The following XKR9 variants were observed in gnomAD, a reference collection of about 807,000 sequenced individuals.
XKR9 encodes the protein XK related 9.
A neutral mutation model predicts 32.0 loss-of-function variants in XKR9; 32 were observed. The observed-to-expected ratio is 1.00, with a 90% CI of 0.76 to 1.34. The LOEUF is 1.34. Ranked by LOEUF, XKR9 falls within the 40% of genes most tolerant of loss-of-function variation. The pLI is 0.00. For missense variants in XKR9, 546 were observed against 429.7 expected (o/e 1.27, Z -2.39); for synonymous variants, 168 against 143.4 (o/e 1.17, Z -1.22).
intron 2 of XKR9, among the ~76,000 whole-genome samples, chr8:70,676,356 A>G (rs1019090391): frequency 6.6e-6 from 1 of 152,222 alleles, no homozygotes; most frequent in African/African-American, 2.4e-5. Context: ...ATATATTCAG[A>G]TTATATCATT....
the XKR9 span, among the ~76,000 whole-genome samples, chr8:70,879,825 AAG>A: frequency 1.0e-3 from 155 of 152,312 alleles, 1 homozygote; most frequent in Middle Eastern, 6.8e-3. Flanking sequence ...ACAGCAAAAA[AAG>A]AGAATTTTAG....
chr8:70,879,910 CA>C, the XKR9 span, among the ~76,000 whole-genome samples: 2 of 152,258 alleles, frequency 1.3e-5, no homozygotes, highest in East Asian at 3.9e-4. Context: ...AGCAGCATAT[CA>C]AAAAGCTTAT....
At chr8:70,886,335 A>G in the XKR9 span, among the ~76,000 whole-genome samples, 48,362 of 152,060 alleles carry the variant, frequency 0.32, 9,011 homozygotes, top group Non-Finnish European at 0.43. Flanking sequence ...ATTGTACATC[A>G]TGCTGCAATA....
chr8:70,692,098 G>A (rs1234473589), intron 3 of XKR9, among the ~76,000 whole-genome samples: 2 of 151,914 alleles, frequency 1.3e-5, no homozygotes, highest in Non-Finnish European at 2.9e-5. Flanking sequence ...GCAGTGTTTT[G>A]TCATTCTCAC....
chr8:70,856,763 A>G, the XKR9 span, among the ~76,000 whole-genome samples: 8 of 152,222 alleles, frequency 5.3e-5, no homozygotes, highest in Non-Finnish European at 7.3e-5. Context: ...CAGAAATTAT[A>G]ACAAACCATC....
intron 2 of XKR9, among the ~76,000 whole-genome samples, chr8:70,675,592 G>A (rs1447900287): frequency 6.6e-6 from 1 of 152,154 alleles, no homozygotes; most frequent in African/African-American, 2.4e-5. Context: ...GCTGGTCCAT[G>A]TCTTGAATGC....
chr8:71,006,101 G>C, the XKR9 span, among the ~76,000 whole-genome samples: 1 of 152,184 alleles, frequency 6.6e-6, no homozygotes, highest in African/African-American at 2.4e-5. Context: ...AGGCCTTTCA[G>C]GCCAAATAAT....
At chr8:71,046,266 T>G in the XKR9 span, among the ~76,000 whole-genome samples, 1 of 152,212 alleles carries the variant, frequency 6.6e-6, no homozygotes, top group African/African-American at 2.4e-5. Context: ...TAATATCATT[T>G]CTTCCCAACA....
the XKR9 span, among the ~76,000 whole-genome samples, chr8:70,908,648 GC>G: frequency 1.3e-5 from 2 of 152,186 alleles, no homozygotes; most frequent in African/African-American, 4.8e-5. Context: ...TGGGAAAGCA[GC>G]CATAGACACT....
the XKR9 span, among the ~76,000 whole-genome samples, chr8:70,918,864 A>G: frequency 5.6e-5 from 7 of 125,388 alleles, no homozygotes; most frequent in East Asian, 1.7e-3. Flanking sequence ...TGCAAGCTCC[A>G]CCTCCCAGGT....
At chr8:70,883,135 C>T in the XKR9 span, among the ~76,000 whole-genome samples, 1 of 151,382 alleles carries the variant, frequency 6.6e-6, no homozygotes, top group African/African-American at 2.4e-5. Flanking sequence ...CCCTTCCCAA[C>T]CTCCCCCAAC....
At chr8:70,915,070 A>G in the XKR9 span, among the ~76,000 whole-genome samples, 1 of 151,896 alleles carries the variant, frequency 6.6e-6, no homozygotes, top group African/African-American at 2.4e-5. Flanking sequence ...TGGGGGTTGA[A>G]GTGGGTTCTT....
At chr8:71,065,729 T>G in the XKR9 span, among the ~76,000 whole-genome samples, 1 of 152,200 alleles carries the variant, frequency 6.6e-6, no homozygotes, top group Admixed American at 6.5e-5. Flanking sequence ...GATCTTGTCT[T>G]GGGCAAGCTG....
At chr8:71,040,572 T>C in the XKR9 span, among the ~76,000 whole-genome samples, 1 of 152,144 alleles carries the variant, frequency 6.6e-6, no homozygotes, top group South Asian at 2.1e-4. Context: ...TTCTTTCCTT[T>C]TTGGTTGAAT....
At chr8:70,900,618 A>G in the XKR9 span, among the ~76,000 whole-genome samples, 3 of 151,958 alleles carry the variant, frequency 2.0e-5, no homozygotes, top group Non-Finnish European at 2.9e-5. Context: ...AAATAAATAA[A>G]TAAATAGGAA....
chr8:70,966,729 T>C, the XKR9 span, among the ~76,000 whole-genome samples: 1 of 152,202 alleles, frequency 6.6e-6, no homozygotes, highest in Non-Finnish European at 1.5e-5. Flanking sequence ...TGTTAAAGTC[T>C]CCCAATATTA....
intron 2 of XKR9, among the ~76,000 whole-genome samples, chr8:70,752,056 G>A (rs1314138798): frequency 6.6e-6 from 1 of 152,056 alleles, no homozygotes; most frequent in Non-Finnish European, 1.5e-5. Flanking sequence ...TCATCCAATT[G>A]ATTTTTTTGT....
the XKR9 span, among the ~76,000 whole-genome samples, chr8:70,819,355 AAG>A: frequency 1.3e-5 from 2 of 152,244 alleles, no homozygotes; most frequent in Non-Finnish European, 2.9e-5. Context: ...AATTGCGTAA[AAG>A]AGAATCATAC....
the XKR9 span, among the ~76,000 whole-genome samples, chr8:71,045,564 C>T: frequency 6.6e-6 from 1 of 152,178 alleles, no homozygotes; most frequent in East Asian, 1.9e-4. Flanking sequence ...AACGAGGTAG[C>T]ACTTTTGTGG....
Sources: gnomAD v4.1 joint callset for allele counts (sites outside exome capture counted in the v4.1 genomes callset) on GRCh38, gnomAD v4.1.1 for gene constraint, MANE v1.5 for transcripts, NCBI Gene and HGNC (gene_info 2026-07-23, HGNC 2026-07-21) for gene names.